The following SPECC1 variants were observed in gnomAD, a reference collection of about 807,000 sequenced individuals.
SPECC1 encodes the protein cytospin-B.
In SPECC1, 62 loss-of-function variants were observed where a neutral mutation model predicts 104.1. That is an observed-to-expected ratio of 0.60 (90% CI 0.49 to 0.74). The LOEUF is 0.74. Among genes scored for constraint, SPECC1 ranks in the 30% least tolerant of loss-of-function variants. The pLI, the probability that SPECC1 is intolerant of heterozygous loss-of-function variation, is 0.00. For synonymous variants in SPECC1, 513 were observed against 501.6 expected, an observed-to-expected ratio of 1.02 and a Z score of -0.30; for missense variants, 1,306 against 1,310.5, an observed-to-expected ratio of 1.00 and a Z score of 0.05.
intron 3 of SPECC1, among the ~76,000 whole-genome samples, chr17:20,184,199 A>AAAAAGAT (rs2035105939): frequency 6.6e-6 from 1 of 151,640 alleles, no homozygotes; most frequent in Non-Finnish European, 1.5e-5. Flanking sequence ...AAAAAAAAAA[A>AAAAAGAT]AAAAGATGTA....
At chr17:20,013,339 G>A (rs2152426072) in intron 1 of SPECC1, among the ~76,000 whole-genome samples, 1 of 152,302 alleles carries the variant, frequency 6.6e-6, no homozygotes, top group East Asian at 1.9e-4. Flanking sequence ...GAGAATTTCA[G>A]TTTCCATACA....
chr17:20,277,159 A>T (rs570590167), intron 12 of SPECC1, among the ~76,000 whole-genome samples: 1 of 152,316 alleles, frequency 6.6e-6, no homozygotes, highest in East Asian at 1.9e-4. Context: ...GTCTCATGGC[A>T]TCTGATGTCT....
intron 3 of SPECC1, among the ~76,000 whole-genome samples, chr17:20,179,491 T>A (rs1356224706): frequency 6.6e-6 from 1 of 152,218 alleles, no homozygotes; most frequent in Non-Finnish European, 1.5e-5. Context: ...GCAGCTGGCA[T>A]TTTTAGCTTA....
rs907559096 is a variant in SPECC1 at position 20,092,506 on chromosome 17, T to A, written c.-21-4125T>A. ...TTCCCTGCAGGTGTGTTTCCCTCGC[T>A]TCTTTCTCTCTTTCACATTTCCAAG... On this transcript the variant is annotated intron_variant, in intron 1 of 14. Coordinates refer to ENST00000395527, the MANE Select transcript of SPECC1 (RefSeq NM_001243439.2). Among the ~76,000 whole-genome samples the A allele has an allele frequency of 2.0e-5, 3 of 152,156 alleles. No homozygotes were observed. The South Asian group carries it at 6.2e-4, about 31-fold the overall frequency.
At chr17:20,107,369 G>A (rs915038325) in intron 2 of SPECC1, among the ~76,000 whole-genome samples, 1 of 151,616 alleles carries the variant, frequency 6.6e-6, no homozygotes, top group African/African-American at 2.4e-5. Context: ...CCAGCATTTG[G>A]GAGGCTGAGG....
At chr17:20,140,236 A>G (rs942205556) in intron 3 of SPECC1, among the ~76,000 whole-genome samples, 1 of 152,242 alleles carries the variant, frequency 6.6e-6, no homozygotes, top group Non-Finnish European at 1.5e-5. Flanking sequence ...CTTTAGTTAT[A>G]GAGCCAAGAC....
rs1198476937 is a variant in SPECC1, at chr17:20,083,002, G to GTTCGTTCGTTCA, written c.-21-13626_-21-13625insGTTCGTTCATTC. Among the ~76,000 whole-genome samples, 357 of 145,984 alleles carry GTTCGTTCGTTCA rather than the reference G, an allele frequency of 2.4e-3. 1 individual carries two copies. The highest frequency in any genetic ancestry group is 3.1e-3 in the Non-Finnish European group (209 of 66,902). On this transcript the variant is annotated intron_variant, in intron 1 of 14. Transcript: ENST00000395527. ...CGTTCGTTCGTTCGTTCGTTCGTTC[G>GTTCGTTCGTTCA]TTCATTCATCCATCTAAAAATAGTA...
chr17:20,083,612 G>A (rs2047064994), intron 1 of SPECC1, among the ~76,000 whole-genome samples: 1 of 149,344 alleles, frequency 6.7e-6, no homozygotes, highest in East Asian at 1.9e-4. Context: ...AGTCTAATGT[G>A]GGGATGCATC....
chr17:20,188,842 T>C (rs1489754029), intron 3 of SPECC1, among the ~76,000 whole-genome samples: 1 of 152,102 alleles, frequency 6.6e-6, no homozygotes, highest in African/African-American at 2.4e-5. Flanking sequence ...ATGGGTGCTT[T>C]GAAAAAACAA....
intron 1 of SPECC1, among the ~76,000 whole-genome samples, chr17:20,075,434 A>C (rs1210984584): frequency 2.3e-4 from 35 of 152,190 alleles, no homozygotes; most frequent in Admixed American, 2.3e-3. Context: ...TCATGCTCTG[A>C]TACGGCATTT....
At chr17:20,101,773 G>A (rs956789807) in intron 2 of SPECC1, among the ~76,000 whole-genome samples, 3 of 152,198 alleles carry the variant, frequency 2.0e-5, no homozygotes, top group African/African-American at 7.2e-5. Flanking sequence ...GCGGGACAAA[G>A]GTGCATTTTA....
chr17:20,204,745 G>A lies in SPECC1; in HGVS notation c.696G>A (p.Lys232=). 6.2e-7 allele frequency: 1 copy of A among 1,614,122 alleles called. No homozygotes were observed. Among genetic ancestry groups the A allele is most frequent in the Non-Finnish European group, 8.5e-7 (1 of 1,180,014 alleles). The part of the protein sequence containing the change: ...TEPMIRALEE[K]NKNFQKELSD... ...CTATGATAAGAGCTCTTGAGGAGAA[G>A]AACAAGAACTTTCAGAAAGAGCTTT... Residue 232 remains lysine, a synonymous_variant, in exon 4 of 15, where the codon AAG becomes AAA. Transcript: ENST00000395527.
At chr17:20,282,039 T>C (rs2040787932) in intron 12 of SPECC1, among the ~76,000 whole-genome samples, 1 of 152,204 alleles carries the variant, frequency 6.6e-6, no homozygotes, top group Non-Finnish European at 1.5e-5. Context: ...CTGGAGGAAG[T>C]GGACCCAGCC....
At chr17:20,076,309 C>T (rs1392764950) in intron 1 of SPECC1, among the ~76,000 whole-genome samples, 3 of 152,198 alleles carry the variant, frequency 2.0e-5, no homozygotes, top group East Asian at 1.9e-4. Context: ...AAACTATCCT[C>T]CCACCTCAGC....
At chr17:20,046,985 G>T (rs1388782296) in intron 1 of SPECC1, among the ~76,000 whole-genome samples, 1 of 152,148 alleles carries the variant, frequency 6.6e-6, no homozygotes, top group Non-Finnish European at 1.5e-5. Flanking sequence ...ACTGGGAGGA[G>T]GGAAAGGTGC....
intron 3 of SPECC1, among the ~76,000 whole-genome samples, chr17:20,192,019 C>G (rs2035705610): frequency 6.6e-6 from 1 of 152,094 alleles, no homozygotes. Flanking sequence ...TTACTGCAGC[C>G]TTCACCTCCT....
intron 1 of SPECC1, among the ~76,000 whole-genome samples, chr17:20,072,500 G>T (rs1473522167): frequency 6.6e-6 from 1 of 152,220 alleles, no homozygotes; most frequent in African/African-American, 2.4e-5. Flanking sequence ...AGCAGGTTCA[G>T]TGCATTGTGC....
At chr17:20,236,744 C>A in intron 7 of SPECC1, 4 of 1,321,402 alleles carry the variant, frequency 3.0e-6, no homozygotes, top group Admixed American at 1.8e-5. Flanking sequence ...CTATCCTGGA[C>A]ATTAGCTTTT....
At chr17:20,024,146 G>T (rs2152435957) in intron 1 of SPECC1, among the ~76,000 whole-genome samples, 1 of 152,244 alleles carries the variant, frequency 6.6e-6, no homozygotes, top group South Asian at 2.1e-4. Flanking sequence ...AATAAAATGG[G>T]GTAGCTATAT....
Sources: allele counts gnomAD v4.1 joint callset (sites outside exome capture counted in the v4.1 genomes callset), GRCh38; gene constraint gnomAD v4.1.1; transcripts MANE v1.5; gene names NCBI Gene and HGNC (gene_info 2026-07-23, HGNC 2026-07-21).